RARB: variants seen among roughly 807,000 people sequenced by gnomAD.
RARB encodes retinoic acid receptor beta.
In RARB, 17 loss-of-function variants were observed where a neutral mutation model predicts 51.9. The ratio of observed to expected loss-of-function variants is 0.33; its 90% confidence interval spans 0.22 to 0.49. RARB has a LOEUF of 0.49. Ranked by LOEUF, RARB falls within the 20% of genes least tolerant of loss-of-function variation. The pLI is 0.99. For synonymous variants in RARB, 215 were observed against 195.4 expected (o/e 1.10, Z -0.84); for missense variants, 369 against 550.8 (o/e 0.67, Z 3.30).
intron 2 of RARB, among the ~76,000 whole-genome samples, chr3:25,478,510 G>A (rs1387975802): frequency 6.6e-6 from 1 of 152,158 alleles, no homozygotes; most frequent in Non-Finnish European, 1.5e-5. Context: ...GGGAGCTGTG[G>A]GTTCCCACCA....
intron 2 of RARB, among the ~76,000 whole-genome samples, chr3:24,986,570 G>A (rs573996933): frequency 5.9e-5 from 9 of 152,220 alleles, no homozygotes; most frequent in Non-Finnish European, 8.8e-5. Flanking sequence ...ATGTTGTGTC[G>A]CTGAAATTTA....
At chr3:25,570,053 T>G in intron 4 of RARB, 135 bp downstream of exon 4, 284 of 1,166,866 alleles carry the variant, frequency 2.4e-4, no homozygotes, top group Non-Finnish European at 3.1e-4. Flanking sequence ...GCTTGCATGC[T>G]AGCCAGCTGG....
At chr3:25,320,672 A>C (rs1296178917) in intron 5 of RARB, among the ~76,000 whole-genome samples, 1 of 152,240 alleles carries the variant, frequency 6.6e-6, no homozygotes, top group Non-Finnish European at 1.5e-5. Context: ...ACTTCTATAT[A>C]TGTGAATTCA....
intron 5 of RARB, among the ~76,000 whole-genome samples, chr3:25,210,319 A>G (rs1249870136): frequency 6.6e-6 from 1 of 152,048 alleles, no homozygotes; most frequent in Admixed American, 6.6e-5. Flanking sequence ...TAAAATTTAT[A>G]GGTTAGGAGT....
rs73820469 is a variant in RARB at position 25,399,963 on chromosome 3, T to C, written c.179-61230T>C. On this transcript the variant is annotated intron_variant, in intron 5 of 11. Transcript: ENST00000383772. ...TCACTCTATGTCTCTATTTCCTTAC[T>C]TGCAAAACGGGGATAAGAAATAATA... Among the ~76,000 whole-genome samples, 1,345 of 152,312 alleles carry C rather than the reference T, an allele frequency of 8.8e-3. 20 individuals carry two copies. The highest frequency in any genetic ancestry group is 0.03 in the African/African-American group (1,267 of 41,560).
chr3:24,985,929 A>C (rs1040641645), intron 2 of RARB, among the ~76,000 whole-genome samples: 5 of 152,226 alleles, frequency 3.3e-5, no homozygotes, highest in Admixed American at 2.6e-4. Context: ...AGAGAAAAAT[A>C]ATAAACTAAG....
intron 5 of RARB, among the ~76,000 whole-genome samples, chr3:25,295,908 G>T (rs537257135): frequency 1.3e-5 from 2 of 152,174 alleles, no homozygotes; most frequent in Admixed American, 1.3e-4. Flanking sequence ...GTATCAGGAC[G>T]GGAACAAGGA....
chr3:25,444,449 C>T (rs965745579), intron 1 of RARB, among the ~76,000 whole-genome samples: 6 of 152,196 alleles, frequency 3.9e-5, no homozygotes, highest in Admixed American at 2.6e-4. Flanking sequence ...TGCTGTGCCC[C>T]TACTGTTCAA....
At chr3:25,511,136 G>C (rs894782644) in intron 3 of RARB, among the ~76,000 whole-genome samples, 1 of 118,860 alleles carries the variant, frequency 8.4e-6, no homozygotes, top group Non-Finnish European at 1.6e-5. Context: ...TTTTTGTTTT[G>C]GTTTGTTTTT....
chr3:24,991,220 C>G (rs1397225755), intron 2 of RARB, among the ~76,000 whole-genome samples: 2 of 152,174 alleles, frequency 1.3e-5, no homozygotes, highest in African/African-American at 2.4e-5. Context: ...GTGGGCAGAT[C>G]ACCTGAGGTC....
chr3:25,534,844 G>T (rs1699072681), intron 3 of RARB, among the ~76,000 whole-genome samples: 1 of 152,196 alleles, frequency 6.6e-6, no homozygotes, highest in African/African-American at 2.4e-5. Context: ...ACTGGAAGAA[G>T]TTCCAGCTTC....
intron 5 of RARB, among the ~76,000 whole-genome samples, chr3:25,232,064 A>G (rs1015065411): frequency 3.3e-5 from 5 of 152,162 alleles, no homozygotes; most frequent in Admixed American, 6.5e-5. Flanking sequence ...CTTTATTTGC[A>G]TATAGATATC....
chr3:25,386,912 A>C (rs1384901), intron 5 of RARB, among the ~76,000 whole-genome samples: 87,524 of 152,090 alleles, frequency 0.58, 26,515 homozygotes, highest in East Asian at 0.9. Flanking sequence ...TCAAAGCCTG[A>C]AATTTCATTC....
At chr3:25,249,030 T>C (rs1378126575) in intron 5 of RARB, among the ~76,000 whole-genome samples, 1 of 152,182 alleles carries the variant, frequency 6.6e-6, no homozygotes, top group East Asian at 1.9e-4. Context: ...AGGTTTTCTG[T>C]GTCTTTCATT....
rs1700637675 is a variant in RARB at position 25,569,795 on chromosome 3, T to G, written c.486T>G (p.Thr162=). Residue 162 remains threonine (T), a synonymous_variant, in exon 4 of 8, where the codon ACT becomes ACG. Transcript: ENST00000330688. Reference sequence around the variant, plus strand: ...ACAGGAACAAGAAAAAGAAGGAGACTTCGAAGCAAGAATGCACAGAGAGCT... The same window carrying G: ...ACAGGAACAAGAAAAAGAAGGAGACGTCGAAGCAAGAATGCACAGAGAGCT... ...RNDRNKKKKE[T]SKQECTESYE... is the part of the protein sequence containing the mutation. 6 of 1,614,192 alleles carry G rather than the reference T, an allele frequency of 3.7e-6. No homozygotes were observed. Among genetic ancestry groups the G allele is most frequent in the Non-Finnish European group, 5.1e-6 (6 of 1,180,036 alleles).
At chr3:25,032,365 G>A (rs1697893694) in intron 2 of RARB, among the ~76,000 whole-genome samples, 1 of 152,052 alleles carries the variant, frequency 6.6e-6, no homozygotes, top group South Asian at 2.1e-4. Flanking sequence ...ATGAAAATTA[G>A]CAGCAGCACT....
chr3:25,080,296 A>G (rs558828848), intron 3 of RARB, among the ~76,000 whole-genome samples: 1 of 152,240 alleles, frequency 6.6e-6, no homozygotes. Flanking sequence ...ATATTAAATT[A>G]TCTTTGTATA....
At chr3:25,100,180 A>G (rs1699373019) in intron 3 of RARB, among the ~76,000 whole-genome samples, 1 of 152,194 alleles carries the variant, frequency 6.6e-6, no homozygotes, top group African/African-American at 2.4e-5. Context: ...CAAAACAGAC[A>G]ACATATCCGT....
At chr3:25,398,153 C>G (rs1436335747) in intron 5 of RARB, among the ~76,000 whole-genome samples, 1 of 151,982 alleles carries the variant, frequency 6.6e-6, no homozygotes, top group African/African-American at 2.4e-5. Flanking sequence ...CAGAGAAGCT[C>G]CACGTTTGGG....
Sources: gnomAD v4.1 joint callset for allele counts (sites outside exome capture counted in the v4.1 genomes callset) on GRCh38, gnomAD v4.1.1 for gene constraint, MANE v1.5 for transcripts, NCBI Gene and HGNC (gene_info 2026-07-23, HGNC 2026-07-21) for gene names.